Variants in PTP4A1 observed in about 807,000 individuals in gnomAD.
PTP4A1 encodes protein tyrosine phosphatase 4A1.
A neutral mutation model predicts 20.5 loss-of-function variants in PTP4A1; 9 were observed. That is an observed-to-expected ratio of 0.44 (90% CI 0.26 to 0.77). The LOEUF (loss-of-function observed/expected upper bound fraction) is 0.77. Ranked by LOEUF, PTP4A1 falls within the 30% of genes least tolerant of loss-of-function variation. PTP4A1 has a pLI of 0.19. For synonymous variants in PTP4A1, 78 were observed against 67.4 expected (o/e 1.16, Z -0.77); for missense variants, 137 against 218.8 (o/e 0.63, Z 2.36).
At position 63,581,590 on chromosome 6, in the gene PTP4A1, A is replaced by T. The variant is rs1778230061; in HGVS notation, c.*1416A>T. The T allele has an allele frequency of 6.6e-6, 1 of 152,206 alleles. No individual in the cohort carries two copies. Among genetic ancestry groups the T allele is most frequent in the Admixed American group, 6.5e-5 (1 of 15,280 alleles). 9.4% of individuals were successfully genotyped at this position (152,206 alleles called of 1,614,324 possible). On this transcript the variant is annotated 3_prime_UTR_variant, in exon 6 of 6. Transcript: ENST00000626021. ...GATGTCAGCATTTTAGTAAACTTTT[A>T]GACAAAATTTGTTAGGGTCATTCAT...
chr6:63,533,832 T>TTTAA (rs112434008), intron 2 of PTP4A1, among the ~76,000 whole-genome samples: 64,147 of 149,730 alleles, frequency 0.43, 14,247 homozygotes, highest in African/African-American at 0.53. Flanking sequence ...AACAAACTTT[T>TTTAA]TTAATTAATT....
intron 1 of PTP4A1, among the ~76,000 whole-genome samples, chr6:63,526,067 G>C (rs1223103069): frequency 6.6e-6 from 1 of 152,124 alleles, no homozygotes; most frequent in Non-Finnish European, 1.5e-5. Context: ...GCTCATGCCT[G>C]TAATCCCAAC....
intron 3 of PTP4A1, among the ~76,000 whole-genome samples, chr6:63,551,201 G>A (rs1776424637): frequency 6.6e-6 from 1 of 151,944 alleles, no homozygotes; most frequent in South Asian, 2.1e-4. Flanking sequence ...AAATAGCTGG[G>A]ACTACAGGGG....
At chr6:63,529,743 C>T (rs1775372054) in intron 2 of PTP4A1, among the ~76,000 whole-genome samples, 1 of 152,160 alleles carries the variant, frequency 6.6e-6, no homozygotes, top group Non-Finnish European at 1.5e-5. Flanking sequence ...GTTCATCATC[C>T]TATCAGCCAA....
At chr6:63,537,358 T>C (rs771241066) in intron 2 of PTP4A1, among the ~76,000 whole-genome samples, 47 of 152,294 alleles carry the variant, frequency 3.1e-4, no homozygotes, top group Admixed American at 7.8e-4. Context: ...CTACAGGTGA[T>C]TCTAAAGCAG....
chr6:63,522,663 T>A (rs548476420), intron 1 of PTP4A1, among the ~76,000 whole-genome samples: 10 of 152,306 alleles, frequency 6.6e-5, no homozygotes, highest in Admixed American at 6.5e-4. Flanking sequence ...TAAGTTTTTA[T>A]CATTTTTTTC....
intron 1 of PTP4A1, among the ~76,000 whole-genome samples, chr6:63,574,853 A>G (rs1317831240): frequency 6.6e-6 from 1 of 152,174 alleles, no homozygotes; most frequent in Non-Finnish European, 1.5e-5. Flanking sequence ...GATTACTACA[A>G]TCTGTATTCA....
rs144721763 is a variant in PTP4A1 at position 63,543,648 on chromosome 6, A to T, written c.-639-6652A>T. 4.0e-3 allele frequency among the ~76,000 whole-genome samples: 607 copies of T among 152,300 alleles called. 10 individuals carry two copies. In the South Asian group the frequency reaches 0.044, roughly 11 times the overall value. ...AGGTTGTGACCTACACACTGTGCCC[A>T]TTCATCCAATTGGTTCCCCAGTCAA... On this transcript the variant is annotated intron_variant, in intron 2 of 3. Transcript: ENST00000639568.
intron 2 of PTP4A1, among the ~76,000 whole-genome samples, chr6:63,533,831 T>TG (rs1209385522): frequency 8.1e-6 from 1 of 124,174 alleles, no homozygotes; most frequent in African/African-American, 3.3e-5. Flanking sequence ...GAACAAACTT[T>TG]TTTAATTAAT....
intron 2 of PTP4A1, among the ~76,000 whole-genome samples, chr6:63,577,311 A>G (rs555095826): frequency 3.9e-5 from 6 of 152,294 alleles, no homozygotes; most frequent in Non-Finnish European, 8.8e-5. Flanking sequence ...GCTTAACCTA[A>G]TGACTAATGC....
intron 2 of PTP4A1, chr6:63,549,388 A>T (rs1396126738): frequency 1.3e-6 from 1 of 753,986 alleles, no homozygotes; most frequent in East Asian, 2.4e-5. Context: ...GTCCTGTCCA[A>T]TGTCAAAATT....
chr6:63,536,588 T>C (rs1775737244), intron 2 of PTP4A1, among the ~76,000 whole-genome samples: 1 of 152,194 alleles, frequency 6.6e-6, no homozygotes, highest in South Asian at 2.1e-4. Flanking sequence ...TTTTATCCTG[T>C]TTTAAAATTG....
chr6:63,525,104 T>G (rs1228664594), intron 1 of PTP4A1, among the ~76,000 whole-genome samples: 1 of 152,186 alleles, frequency 6.6e-6, no homozygotes. Flanking sequence ...ATCAAATTAT[T>G]CAAGGCTGTT....
chr6:63,538,114 GC>G (rs778589754), intron 2 of PTP4A1, among the ~76,000 whole-genome samples: 1 of 152,164 alleles, frequency 6.6e-6, no homozygotes, highest in African/African-American at 2.4e-5. Flanking sequence ...AAATGTACAT[GC>G]AAATTTTTAG....
At chr6:63,539,031 T>C (rs1302648360) in intron 2 of PTP4A1, among the ~76,000 whole-genome samples, 1 of 152,114 alleles carries the variant, frequency 6.6e-6, no homozygotes, top group Non-Finnish European at 1.5e-5. Context: ...TAGCTGGGAT[T>C]ACAGGTGTGC....
chr6:63,555,154 C>G (rs993930699), intron 3 of PTP4A1, among the ~76,000 whole-genome samples: 3 of 152,052 alleles, frequency 2.0e-5, no homozygotes, highest in African/African-American at 7.3e-5. Flanking sequence ...GCTAACTGAC[C>G]CTTTCTTCTT....
At chr6:63,577,016 T>G in intron 2 of PTP4A1, 31 bp downstream of exon 2, 1 of 1,533,138 alleles carries the variant, frequency 6.5e-7, no homozygotes, top group Non-Finnish European at 9.0e-7. Flanking sequence ...GTAGCTTAAA[T>G]TGATTGCAAT....
chr6:63,579,655 G>A (rs1160638325), intron 5 of PTP4A1, among the ~76,000 whole-genome samples: 1 of 152,190 alleles, frequency 6.6e-6, no homozygotes, highest in Non-Finnish European at 1.5e-5. Context: ...AAGGAGACCA[G>A]TTGACAATAA....
At chr6:63,574,725 G>A (rs767048433) in intron 1 of PTP4A1, among the ~76,000 whole-genome samples, 9 of 152,262 alleles carry the variant, frequency 5.9e-5, no homozygotes, top group Admixed American at 2.0e-4. Flanking sequence ...ACTGTGATGA[G>A]TCATTATAAA....
Sources: allele counts gnomAD v4.1 joint callset (sites outside exome capture counted in the v4.1 genomes callset), GRCh38; gene constraint gnomAD v4.1.1; transcripts MANE v1.5; gene names NCBI Gene and HGNC (gene_info 2026-07-23, HGNC 2026-07-21).